Variants in LNX1 observed in about 807,000 individuals in gnomAD.
LNX1 encodes the protein ligand of numb-protein X 1, also known as E3 ubiquitin-protein ligase LNX.
In LNX1, 54 loss-of-function variants were observed where a neutral mutation model predicts 68.4. The observed-to-expected ratio is 0.79, with a 90% CI of 0.63 to 0.99. LNX1 has a LOEUF of 0.99. Ranked by LOEUF, LNX1 falls within the 50% of genes least tolerant of loss-of-function variation. LNX1 has a pLI of 0.00. For missense variants in LNX1, 906 were observed against 926.4 expected, an observed-to-expected ratio of 0.98 and a Z score of 0.29; for synonymous variants, 336 against 350.0, an observed-to-expected ratio of 0.96 and a Z score of 0.45.
chr4:53,565,589 G>A (rs1426712891), intron 2 of LNX1, among the ~76,000 whole-genome samples: 2 of 151,116 alleles, frequency 1.3e-5, no homozygotes, highest in East Asian at 1.9e-4. Flanking sequence ...AAATCAGAGC[G>A]CCTCTCCTCC....
At chr4:53,472,018 C>G (rs1008105065) in intron 9 of LNX1, among the ~76,000 whole-genome samples, 2 of 152,266 alleles carry the variant, frequency 1.3e-5, no homozygotes, top group Middle Eastern at 3.4e-3. Flanking sequence ...AATCATGCTA[C>G]TATAAAGACA....
intron 1 of LNX1, among the ~76,000 whole-genome samples, chr4:53,648,898 C>T (rs1411537862): frequency 6.6e-6 from 1 of 152,136 alleles, no homozygotes; most frequent in Non-Finnish European, 1.5e-5. Flanking sequence ...ATCACTATTG[C>T]CCTGAAACCC....
intron 2 of LNX1, among the ~76,000 whole-genome samples, chr4:53,530,373 G>T (rs1241107719): frequency 6.6e-6 from 1 of 152,052 alleles, no homozygotes; most frequent in African/African-American, 2.4e-5. Flanking sequence ...TAATATTGAA[G>T]AAATGTATAT....
chr4:53,573,602 G>T (rs1356971803), intron 2 of LNX1, 21 bp downstream of exon 2: 2 of 1,574,550 alleles, frequency 1.3e-6, no homozygotes, highest in Non-Finnish European at 8.7e-7. Context: ...GGACTTACCG[G>T]CTCGCTGATG....
At chr4:53,488,640 T>C (rs1237279112) in intron 6 of LNX1, among the ~76,000 whole-genome samples, 1 of 152,166 alleles carries the variant, frequency 6.6e-6, no homozygotes, top group Non-Finnish European at 1.5e-5. Context: ...CTATGCTCTA[T>C]GAATCCAAAA....
intron 1 of LNX1, among the ~76,000 whole-genome samples, chr4:53,651,105 GAACA>G (rs1431787972): frequency 6.6e-6 from 1 of 152,176 alleles, no homozygotes. Flanking sequence ...CAAGAATCAA[GAACA>G]GACAGTCTAA....
intron 1 of LNX1, among the ~76,000 whole-genome samples, chr4:53,641,453 T>C (rs1734678782): frequency 6.6e-6 from 1 of 152,218 alleles, no homozygotes; most frequent in Admixed American, 6.5e-5. Context: ...GAGGAATGGC[T>C]ACAACCTCTG....
chr4:53,609,624 T>C (rs1168933646), intron 2 of LNX1, among the ~76,000 whole-genome samples: 1 of 145,942 alleles, frequency 6.9e-6, no homozygotes, highest in South Asian at 2.1e-4. Flanking sequence ...ATGTTATAAA[T>C]AGTATATATA....
rs560954558 is a variant in LNX1 at position 53,552,983 on chromosome 4, T to A, written c.380+20640A>T. Among the ~76,000 whole-genome samples the A allele has an allele frequency of 1.1e-4, 16 of 152,212 alleles. No individual in the cohort carries two copies. The South Asian group carries it at 3.3e-3, about 32-fold the overall frequency. ...CTAGCTTGTATCATTATGAGCAAGG[T>A]CAATATTCCCTTCCGTAGAAACCAA... On this transcript the variant is annotated intron_variant, in intron 2 of 10. Coordinates refer to ENST00000263925, the MANE Select transcript of LNX1 (RefSeq NM_001126328.3).
chr4:53,514,082 T>A (rs1235833795), intron 2 of LNX1, among the ~76,000 whole-genome samples: 2 of 152,216 alleles, frequency 1.3e-5, no homozygotes, highest in African/African-American at 4.8e-5. Flanking sequence ...CCTTCAGGCC[T>A]CTGATTAAAA....
intron 1 of LNX1, among the ~76,000 whole-genome samples, chr4:53,637,525 CT>C (rs1258985363): frequency 1.3e-5 from 2 of 152,118 alleles, no homozygotes; most frequent in Non-Finnish European, 2.9e-5. Flanking sequence ...ATGTTATTTA[CT>C]TTTTCACAAC....
At chr4:53,613,421 C>T (rs1196819026) in intron 2 of LNX1, among the ~76,000 whole-genome samples, 3 of 152,014 alleles carry the variant, frequency 2.0e-5, no homozygotes, top group Non-Finnish European at 4.4e-5. Flanking sequence ...AAACATGTGT[C>T]ATGGGGTTTA....
intron 2 of LNX1, among the ~76,000 whole-genome samples, chr4:53,510,829 A>C (rs879276323): frequency 2.0e-5 from 3 of 152,174 alleles, no homozygotes; most frequent in Non-Finnish European, 2.9e-5. Context: ...CAGCTGGACA[A>C]ATGGCTGGCA....
chr4:53,518,804 G>A (rs1051641683), intron 2 of LNX1, among the ~76,000 whole-genome samples: 36 of 152,122 alleles, frequency 2.4e-4, no homozygotes, highest in African/African-American at 7.7e-4. Flanking sequence ...GGGGGCAACT[G>A]TAACATGGGA....
At position 53,615,260 on chromosome 4, in the gene LNX1, C is replaced by T. The variant is rs560555729; in HGVS notation, c.-215+1257G>A. 1.3e-3 allele frequency among the ~76,000 whole-genome samples: 200 copies of T among 152,242 alleles called. 1 individual carries two copies. The highest frequency in any genetic ancestry group is 4.2e-3 in the African/African-American group (174 of 41,526). On this transcript the variant is annotated intron_variant, in intron 2 of 3. Coordinates refer to the LNX1 transcript ENST00000504299. ...TGGTTTCTTATGCAGCAGTAGTTGG[C>T]GAATGCTGTGTGTAACTCCTTCAGC...
chr4:53,637,205 C>T (rs1734514018), intron 1 of LNX1, among the ~76,000 whole-genome samples: 1 of 152,034 alleles, frequency 6.6e-6, no homozygotes. Flanking sequence ...ATTGCAGCAT[C>T]ATGGTCAAGA....
intron 2 of LNX1, among the ~76,000 whole-genome samples, chr4:53,509,055 G>A (rs1726132243): frequency 6.6e-6 from 1 of 152,200 alleles, no homozygotes; most frequent in Non-Finnish European, 1.5e-5. Flanking sequence ...ACCAAGGTTG[G>A]AGCTGATCTA....
At chr4:53,591,611 T>C (rs1254764019), upstream of LNX1, 2 of 984,726 alleles carry the variant, frequency 2.0e-6, no homozygotes, top group Admixed American at 6.2e-5. Flanking sequence ...ACCTTAGGGA[T>C]TGAAAGAGTC....
chr4:53,462,510 T>C (rs1722239697), intron 9 of LNX1, among the ~76,000 whole-genome samples: 1 of 152,156 alleles, frequency 6.6e-6, no homozygotes, highest in Non-Finnish European at 1.5e-5. Flanking sequence ...ATGGCTATTT[T>C]GTTTATATAC....
Sources: allele counts gnomAD v4.1 joint callset (sites outside exome capture counted in the v4.1 genomes callset), GRCh38; gene constraint gnomAD v4.1.1; transcripts MANE v1.5; gene names NCBI Gene and HGNC (gene_info 2026-07-23, HGNC 2026-07-21).